The following ARHGAP24 variants were observed in gnomAD, a reference collection of about 807,000 sequenced individuals.
The protein encoded by ARHGAP24 is Rho GTPase activating protein 24.
Under a neutral mutation model 76.4 loss-of-function variants are expected in ARHGAP24, and 50 were observed. The observed-to-expected ratio is 0.65, with a 90% CI of 0.52 to 0.83. The LOEUF (loss-of-function observed/expected upper bound fraction) is 0.83, where lower values mean the gene tolerates loss of function less well. Ranked by LOEUF, ARHGAP24 falls within the 40% of genes least tolerant of loss-of-function variation. ARHGAP24 has a pLI of 0.00. For missense variants in ARHGAP24, 930 were observed against 914.2 expected (o/e 1.02, Z -0.22); for synonymous variants, 345 against 323.3 (o/e 1.07, Z -0.72).
intron 3 of ARHGAP24, among the ~76,000 whole-genome samples, chr4:85,907,727 G>A (rs1734848979): frequency 2.6e-5 from 4 of 152,096 alleles, no homozygotes; most frequent in Admixed American, 2.6e-4. Context: ...ATTACTAATG[G>A]ATAAGAATTG....
intron 2 of ARHGAP24, among the ~76,000 whole-genome samples, chr4:85,600,713 C>G (rs1306771262): frequency 1.3e-5 from 2 of 152,180 alleles, no homozygotes; most frequent in Non-Finnish European, 2.9e-5. Flanking sequence ...GCTTCTCTTT[C>G]ATGATGTGGT....
At chr4:85,908,631 G>A (rs1359563753) in intron 3 of ARHGAP24, among the ~76,000 whole-genome samples, 1 of 152,160 alleles carries the variant, frequency 6.6e-6, no homozygotes, top group East Asian at 1.9e-4. Context: ...ACTTACTAAA[G>A]TGTAATAATA....
chr4:85,763,909 CAG>C (rs1726829704), intron 3 of ARHGAP24, among the ~76,000 whole-genome samples: 1 of 152,082 alleles, frequency 6.6e-6, no homozygotes, highest in Non-Finnish European at 1.5e-5. Context: ...CAGCAATAAA[CAG>C]AATTGATATT....
intron 2 of ARHGAP24, among the ~76,000 whole-genome samples, chr4:85,585,449 A>G (rs1015437828): frequency 3.9e-5 from 6 of 152,026 alleles, no homozygotes; most frequent in Non-Finnish European, 5.9e-5. Flanking sequence ...TGTTGAATCC[A>G]CCTCTGGTGT....
intron 2 of ARHGAP24, among the ~76,000 whole-genome samples, chr4:85,687,797 G>A (rs1397777490): frequency 6.6e-6 from 1 of 151,660 alleles, no homozygotes; most frequent in East Asian, 1.9e-4. Context: ...GAACTCCTGG[G>A]TCAAATGGTA....
intron 2 of ARHGAP24, among the ~76,000 whole-genome samples, chr4:85,643,234 G>GGTTTTTTTTTTT (rs1721592118): frequency 1.8e-5 from 1 of 54,610 alleles, no homozygotes; most frequent in African/African-American, 5.9e-5. Context: ...GTTTTTTTGT[G>GGTTTTTTTTTTT]TTTTTTTTTT....
At chr4:85,989,648 C>G (rs556781012) in intron 8 of ARHGAP24, among the ~76,000 whole-genome samples, 4 of 151,746 alleles carry the variant, frequency 2.6e-5, no homozygotes, top group African/African-American at 9.6e-5. Flanking sequence ...CAAAACCTTA[C>G]TGGATTGACT....
Position 85,703,057 on chromosome 4 carries a change from C to G in ARHGAP24, c.181-18828C>G, listed in dbSNP as rs952182177. ...AAGAGAAAAATGAATATAAAAGAAA[C>G]TAAGGATCCTACCAAGATTATGACT... On this transcript the variant is annotated intron_variant, in intron 2 of 9. Coordinates refer to ENST00000395184, the MANE Select transcript of ARHGAP24 (RefSeq NM_001025616.3). Among the ~76,000 whole-genome samples, 6 of 151,118 alleles carry G rather than the reference C, an allele frequency of 4.0e-5. No individual in the cohort carries two copies. In the South Asian group the frequency reaches 1.3e-3, roughly 32 times the overall value.
intron 3 of ARHGAP24, among the ~76,000 whole-genome samples, chr4:85,812,777 C>T (rs906939780): frequency 2.6e-5 from 4 of 152,116 alleles, no homozygotes; most frequent in Non-Finnish European, 5.9e-5. Context: ...GCCAATAGAA[C>T]GTCTGATACA....
chr4:85,523,445 G>C (rs921473869), intron 1 of ARHGAP24, among the ~76,000 whole-genome samples: 1 of 152,064 alleles, frequency 6.6e-6, no homozygotes, highest in Non-Finnish European at 1.5e-5. Context: ...GATATGATTT[G>C]ATCAAAGTAT....
chr4:85,976,797 T>C (rs1326955938), intron 7 of ARHGAP24, among the ~76,000 whole-genome samples: 14 of 114,090 alleles, frequency 1.2e-4, no homozygotes, highest in African/African-American at 3.6e-4. Context: ...TTTTTTTTTT[T>C]CCGAGACCGA....
intron 3 of ARHGAP24, among the ~76,000 whole-genome samples, chr4:85,913,016 A>G (rs1029506086): frequency 6.6e-6 from 1 of 152,096 alleles, no homozygotes; most frequent in African/African-American, 2.4e-5. Context: ...TGAGTCTTTA[A>G]ACCTCATCTC....
intron 2 of ARHGAP24, among the ~76,000 whole-genome samples, chr4:85,687,914 C>T (rs1042975648): frequency 6.6e-6 from 1 of 152,000 alleles, no homozygotes; most frequent in Non-Finnish European, 1.5e-5. Context: ...CAGGTTCAAG[C>T]GATTCTCCTG....
intron 4 of ARHGAP24, among the ~76,000 whole-genome samples, chr4:85,941,651 C>T (rs1487792529): frequency 6.6e-6 from 1 of 152,046 alleles, no homozygotes; most frequent in Non-Finnish European, 1.5e-5. Context: ...GCAAATTGGA[C>T]ATAAATATAA....
intron 2 of ARHGAP24, among the ~76,000 whole-genome samples, chr4:85,582,387 GTTTA>G (rs1394321893): frequency 1.3e-5 from 2 of 151,950 alleles, no homozygotes; most frequent in Non-Finnish European, 2.9e-5. Context: ...TAAATATAGT[GTTTA>G]TTTAAGATGT....
intron 2 of ARHGAP24, among the ~76,000 whole-genome samples, chr4:85,602,665 T>G (rs1720072440): frequency 6.6e-6 from 1 of 152,156 alleles, no homozygotes; most frequent in Non-Finnish European, 1.5e-5. Context: ...GGAAATAGAA[T>G]AGTGATGGAT....
chr4:85,653,333 C>T (rs1262565498), intron 2 of ARHGAP24, among the ~76,000 whole-genome samples: 2 of 151,832 alleles, frequency 1.3e-5, no homozygotes, highest in Non-Finnish European at 2.9e-5. Context: ...GGTAAAAGGG[C>T]CTAAAGAAGT....
chr4:85,710,727 C>G (rs147459852), intron 2 of ARHGAP24, among the ~76,000 whole-genome samples: 23 of 152,296 alleles, frequency 1.5e-4, no homozygotes, highest in African/African-American at 5.5e-4. Flanking sequence ...CATCACTGAT[C>G]ATTAGAGAAA....
At chr4:85,783,648 T>C (rs1027284225) in intron 3 of ARHGAP24, among the ~76,000 whole-genome samples, 2 of 152,142 alleles carry the variant, frequency 1.3e-5, no homozygotes, top group African/African-American at 2.4e-5. Context: ...AGGTCAATCA[T>C]GTACCCCATT....
Sources: allele counts gnomAD v4.1 joint callset (sites outside exome capture counted in the v4.1 genomes callset), GRCh38; gene constraint gnomAD v4.1.1; transcripts MANE v1.5; gene names NCBI Gene and HGNC (gene_info 2026-07-23, HGNC 2026-07-21).